Variants in ATP8B4 observed in about 807,000 individuals in gnomAD.
ATP8B4 encodes the protein ATPase phospholipid transporting 8B4 (putative), also known as probable phospholipid-transporting ATPase IM.
ATP8B4 carries 133 observed loss-of-function variants against 145.6 expected under a neutral mutation model. The observed-to-expected ratio is 0.91, with a 90% CI of 0.79 to 1.05. The LOEUF (loss-of-function observed/expected upper bound fraction) is 1.05, where lower values mean the gene tolerates loss of function less well. Ranked by LOEUF, ATP8B4 falls within the 50% of genes least tolerant of loss-of-function variation. ATP8B4 has a pLI of 0.00. For missense variants in ATP8B4, 1,458 were observed against 1,425.2 expected (o/e 1.02, Z -0.37); for synonymous variants, 507 against 492.9 (o/e 1.03, Z -0.38).
intron 14 of ATP8B4, among the ~76,000 whole-genome samples, chr15:49,936,411 C>T (rs1276206616): frequency 2.0e-5 from 3 of 152,130 alleles, no homozygotes; most frequent in Non-Finnish European, 4.4e-5. Flanking sequence ...TCCTGCCTCA[C>T]ACTTGTCTCA....
chr15:49,987,060 G>T (rs1445944002), intron 10 of ATP8B4, among the ~76,000 whole-genome samples: 3 of 152,104 alleles, frequency 2.0e-5, no homozygotes, highest in South Asian at 4.1e-4. Context: ...CACTTTAAAG[G>T]CAGATTCATA....
Position 49,923,399 on chromosome 15 carries a change from A to G in ATP8B4, c.1738T>C (p.Leu580=), listed in dbSNP as rs765308911. The part of the protein sequence containing the change: ...LHPSNEVLLS[L]TSDHLSEFAG... ...CTTACACTGAGGTGGTCTGACGTCAAAGACAAAAGGACTTCATTGGAAGGA... is the reference window on the plus strand; with the variant it reads ...CTTACACTGAGGTGGTCTGACGTCAGAGACAAAAGGACTTCATTGGAAGGA... The change falls in exon 17 of 28, where the codon TTG becomes CTG. Residue 580 remains leucine (L), a synonymous_variant. Coordinates refer to ENST00000284509, the MANE Select transcript of ATP8B4 (RefSeq NM_024837.4). 5.0e-6 allele frequency: 8 copies of G among 1,612,242 alleles called. No homozygotes were observed. In the South Asian group the frequency reaches 8.8e-5, roughly 18 times the overall value.
At chr15:49,904,524 T>C (rs2038396161) in intron 20 of ATP8B4, among the ~76,000 whole-genome samples, 1 of 152,198 alleles carries the variant, frequency 6.6e-6, no homozygotes, top group African/African-American at 2.4e-5. Context: ...AGAAATTTAA[T>C]GTACTAAAAC....
At chr15:50,178,697 G>C (rs886512040) in intron 1 of ATP8B4, among the ~76,000 whole-genome samples, 1 of 152,014 alleles carries the variant, frequency 6.6e-6, no homozygotes, top group African/African-American at 2.4e-5. Flanking sequence ...GTGTAACATT[G>C]TCTTCGTCTT....
intron 23 of ATP8B4, among the ~76,000 whole-genome samples, chr15:49,888,813 T>C (rs1042573589): frequency 1.3e-5 from 2 of 152,140 alleles, no homozygotes; most frequent in Non-Finnish European, 2.9e-5. Flanking sequence ...TGGCTGGAAA[T>C]CTCATTAGAA....
intron 1 of ATP8B4, among the ~76,000 whole-genome samples, chr15:50,144,660 CA>C (rs2044253550): frequency 1.3e-5 from 2 of 152,200 alleles, no homozygotes; most frequent in South Asian, 4.1e-4. Context: ...GACACAGAGC[CA>C]AACTATATCA....
intron 1 of ATP8B4, among the ~76,000 whole-genome samples, chr15:50,151,986 T>A (rs913377842): frequency 6.6e-6 from 1 of 152,146 alleles, no homozygotes; most frequent in African/African-American, 2.4e-5. Flanking sequence ...ACAATTAATG[T>A]TAGATAAAAG....
Position 49,920,330 on chromosome 15 carries a change from C to G in ATP8B4, c.1839G>C (p.Lys613Asn), listed in dbSNP as rs1295031426. ...LDDKYFKEWH[K>N]MLEDANAATE... ...TGGCAGCATTCGCATCTTCAAGCAT[C>G]TTATGCCACTCTTTAAAGTACTTGT... Residue 613 changes from lysine to asparagine, a missense_variant, in exon 18 of 28, where the codon AAG becomes AAC. Physicochemically the swap from Lys to Asn is moderately conservative, Grantham distance 94 (BLOSUM62 0). Transcript: ENST00000284509. 1.2e-6 allele frequency: 2 copies of G among 1,614,226 alleles called. No homozygotes were observed. The highest frequency in any genetic ancestry group is 2.2e-5 in the South Asian group (2 of 91,088).
intron 1 of ATP8B4, among the ~76,000 whole-genome samples, chr15:50,108,702 C>T (rs2056801128): frequency 6.6e-6 from 1 of 152,180 alleles, no homozygotes; most frequent in African/African-American, 2.4e-5. Flanking sequence ...CCTTCTCTGA[C>T]CTCCCCAAAT....
chr15:49,921,106 G>A (rs2040218444), intron 17 of ATP8B4, among the ~76,000 whole-genome samples: 1 of 152,126 alleles, frequency 6.6e-6, no homozygotes, highest in African/African-American at 2.4e-5. Context: ...GGGAGAGAAA[G>A]GAAGAAAAGC....
intron 1 of ATP8B4, among the ~76,000 whole-genome samples, chr15:50,146,470 C>G (rs1193705027): frequency 6.6e-6 from 1 of 152,182 alleles, no homozygotes; most frequent in Admixed American, 6.5e-5. Context: ...GAAATTCTAA[C>G]TGGCCACCCT....
At chr15:49,918,622 T>C (rs1256193215) in intron 19 of ATP8B4, among the ~76,000 whole-genome samples, 1 of 152,254 alleles carries the variant, frequency 6.6e-6, no homozygotes, top group East Asian at 1.9e-4. Flanking sequence ...GAAACTTAAC[T>C]GACTCCAGCT....
intron 9 of ATP8B4, among the ~76,000 whole-genome samples, chr15:49,991,644 C>CT: frequency 6.6e-6 from 1 of 152,090 alleles, no homozygotes; most frequent in South Asian, 2.1e-4. Flanking sequence ...ATCATTTTTT[C>CT]TGATGTTTGA....
chr15:49,878,756 T>C (rs1312419956), intron 24 of ATP8B4, among the ~76,000 whole-genome samples: 1 of 152,152 alleles, frequency 6.6e-6, no homozygotes, highest in East Asian at 1.9e-4. Context: ...GCTCTTTCTT[T>C]CCTTGGCCAT....
At chr15:50,105,030 C>A (rs539507071) in intron 2 of ATP8B4, among the ~76,000 whole-genome samples, 63 of 152,020 alleles carry the variant, frequency 4.1e-4, no homozygotes, top group African/African-American at 1.5e-3. Flanking sequence ...TGTCCTCACC[C>A]ATAAGTGGGA....
intron 1 of ATP8B4, among the ~76,000 whole-genome samples, chr15:50,153,610 T>A (rs1403158467): frequency 1.3e-5 from 2 of 151,470 alleles, no homozygotes; most frequent in African/African-American, 4.9e-5. Context: ...GTGCTGGGAT[T>A]ACAGGCATGA....
At chr15:49,919,000 C>A (rs1056832784) in intron 18 of ATP8B4, 50 bp from the exon 19 acceptor site, 4 of 1,295,754 alleles carry the variant, frequency 3.1e-6, no homozygotes, top group Non-Finnish European at 3.3e-6. Flanking sequence ...CAAACAATAT[C>A]TATAACATCT....
chr15:49,967,632 C>A (rs2044676380), intron 13 of ATP8B4, among the ~76,000 whole-genome samples: 1 of 152,124 alleles, frequency 6.6e-6, no homozygotes, highest in Admixed American at 6.5e-5. Context: ...TGTGAAAAGA[C>A]CAAACCTACG....
Position 50,038,775 on chromosome 15 carries a change from T to C in ATP8B4, c.355A>G (p.Asn119Asp), listed in dbSNP as rs2051035406. The change falls in exon 6 of 28, where the codon AAC becomes GAC. Residue 119 changes from asparagine to aspartate, a missense_variant. Asn to Asp is a conservative substitution (Grantham distance 23). Transcript: ENST00000284509. Reference sequence around the variant, plus strand: ...ACAGAATGTATTTCTTACTTGCTGTTGATGAGCACTTCAGACTGCCGATTA... The same window carrying C: ...ACAGAATGTATTTCTTACTTGCTGTCGATGAGCACTTCAGACTGCCGATTA... ...VNNRQSEVLI[N>D]SKLQNEKWMN... 6.2e-7 allele frequency: 1 copy of C among 1,612,408 alleles called. No individual in the cohort carries two copies. Among genetic ancestry groups the C allele is most frequent in the South Asian group, 1.1e-5 (1 of 90,952 alleles).
Sources: gnomAD v4.1 joint callset for allele counts (sites outside exome capture counted in the v4.1 genomes callset) on GRCh38, gnomAD v4.1.1 for gene constraint, MANE v1.5 for transcripts, NCBI Gene and HGNC (gene_info 2026-07-23, HGNC 2026-07-21) for gene names.